ERI1: variants seen among roughly 807,000 people sequenced by gnomAD.
The protein encoded by ERI1 is exoribonuclease 1.
In ERI1, 39 loss-of-function variants were observed where a neutral mutation model predicts 39.7. The observed-to-expected ratio is 0.98, with a 90% confidence interval of 0.76 to 1.28. The LOEUF (loss-of-function observed/expected upper bound fraction) is 1.28. Among genes scored for constraint, ERI1 ranks in the 50% most tolerant of loss-of-function variants. The pLI is 0.00. For missense variants in ERI1, 581 were observed against 416.9 expected, an observed-to-expected ratio of 1.39 and a Z score of -3.43; for synonymous variants, 204 against 149.6, an observed-to-expected ratio of 1.36 and a Z score of -2.65.
chr8:9,016,029 ATAT>A (rs1343356586), intron 3 of ERI1, among the ~76,000 whole-genome samples: 2 of 151,952 alleles, frequency 1.3e-5, no homozygotes, highest in East Asian at 1.9e-4. Flanking sequence ...TAGTTTTAAA[ATAT>A]TATGAACAAA....
chr8:9,093,504 TAAAA>T (rs1040785856), intron 3 of ERI1, among the ~76,000 whole-genome samples: 8 of 124,856 alleles, frequency 6.4e-5, no homozygotes, highest in Admixed American at 8.6e-5. Context: ...ACCTTGTCTC[TAAAA>T]AAAAAAAAAA....
chr8:9,046,194 C>G (rs530290762), intron 3 of ERI1, among the ~76,000 whole-genome samples: 1 of 152,320 alleles, frequency 6.6e-6, no homozygotes, highest in South Asian at 2.1e-4. Flanking sequence ...TGGAATGTGA[C>G]CAGTGAGGTT....
intron 3 of ERI1, among the ~76,000 whole-genome samples, chr8:9,087,156 G>T (rs570527152): frequency 6.6e-6 from 1 of 151,820 alleles, no homozygotes; most frequent in Non-Finnish European, 1.5e-5. Context: ...TAGGTTTTAA[G>T]CCCCACATGC....
At chr8:9,015,115 G>A (rs1293137095) in intron 3 of ERI1, among the ~76,000 whole-genome samples, 2 of 152,166 alleles carry the variant, frequency 1.3e-5, no homozygotes, top group African/African-American at 2.4e-5. Flanking sequence ...GGGATTACAG[G>A]CATTAGTCAC....
chr8:9,080,696 G>A lies in ERI1; in HGVS notation n.300-35652G>A, dbSNP rs948951354. ...GTTCTAGCAGCACAGAGCTCTGAGT[G>A]TGGAATCGTCACCAGTGTGGACCTT... On this transcript the variant is annotated intron_variant and non_coding_transcript_variant, in intron 3 of 3. Transcript: ENST00000518663. 5.9e-5 allele frequency among the ~76,000 whole-genome samples: 9 copies of A among 152,200 alleles called. 1 individual carries two copies. In the South Asian group the frequency reaches 1.9e-3, roughly 32 times the overall value.
intron 3 of ERI1, among the ~76,000 whole-genome samples, chr8:9,095,961 G>C (rs544166999): frequency 1.3e-5 from 2 of 152,292 alleles, no homozygotes; most frequent in South Asian, 4.1e-4. Context: ...GGGTCATCTG[G>C]AATATAGAAA....
chr8:9,087,481 T>G (rs923359182), intron 3 of ERI1, among the ~76,000 whole-genome samples: 2 of 149,378 alleles, frequency 1.3e-5, no homozygotes, highest in African/African-American at 4.9e-5. Context: ...CAGGCTGGTC[T>G]CGAACTCCTG....
At chr8:9,066,538 G>T (rs944215787) in intron 3 of ERI1, among the ~76,000 whole-genome samples, 1 of 152,198 alleles carries the variant, frequency 6.6e-6, no homozygotes, top group African/African-American at 2.4e-5. Flanking sequence ...GGGTTGTTGG[G>T]CACGGTGAAG....
chr8:9,027,151 G>GTGTGTA (rs56703653), intron 6 of ERI1, among the ~76,000 whole-genome samples: 2,469 of 70,806 alleles, frequency 0.035, 66 homozygotes, highest in African/African-American at 0.086. Flanking sequence ...GTGTGTGTAT[G>GTGTGTA]TGTGTGTGTG....
intron 3 of ERI1, among the ~76,000 whole-genome samples, chr8:9,045,733 G>A (rs1798153678): frequency 1.3e-5 from 2 of 149,754 alleles, no homozygotes; most frequent in South Asian, 4.2e-4. Flanking sequence ...CTAGAGGGCA[G>A]TGGCACAATC....
At chr8:9,012,421 T>G (rs1456942387) in intron 3 of ERI1, among the ~76,000 whole-genome samples, 1 of 152,238 alleles carries the variant, frequency 6.6e-6, no homozygotes, top group Non-Finnish European at 1.5e-5. Context: ...ATCTCAACTT[T>G]CCAAAAGTCA....
At chr8:9,028,119 A>AT (rs1019921190) in intron 6 of ERI1, among the ~76,000 whole-genome samples, 15 of 152,210 alleles carry the variant, frequency 9.9e-5, no homozygotes, top group African/African-American at 3.6e-4. Context: ...TTCTTCTTCA[A>AT]TTTTTTTGTA....
At chr8:9,053,073 A>G (rs190276716) in intron 3 of ERI1, among the ~76,000 whole-genome samples, 1 of 152,034 alleles carries the variant, frequency 6.6e-6, no homozygotes, top group South Asian at 2.1e-4. Flanking sequence ...CTGGAGTGCA[A>G]TGGCGCAATC....
chr8:9,024,101 A>T (rs977997298), intron 6 of ERI1, among the ~76,000 whole-genome samples: 1 of 152,168 alleles, frequency 6.6e-6, no homozygotes, highest in South Asian at 2.1e-4. Flanking sequence ...CGCCTGGCCA[A>T]AAATGACCTT....
chr8:9,068,028 C>G (rs1229511588), intron 3 of ERI1, among the ~76,000 whole-genome samples: 1 of 152,088 alleles, frequency 6.6e-6, no homozygotes, highest in Non-Finnish European at 1.5e-5. Flanking sequence ...TCCACTAAAC[C>G]TTGAACAATT....
intron 3 of ERI1, among the ~76,000 whole-genome samples, chr8:9,058,727 T>C (rs907767187): frequency 3.3e-5 from 5 of 152,202 alleles, no homozygotes; most frequent in African/African-American, 4.8e-5. Flanking sequence ...GTCTTTGCTG[T>C]TGTTGTTAGA....
Position 9,011,753 on chromosome 8 carries a change from G to C in ERI1, c.498+1G>C. ...ACTGAATACGCATACTTTAGAAATA[G>C]TAAGTGAATTTTTGTATTTTAATTG... On this transcript the variant is annotated splice_donor_variant, in intron 3 of 6. Coordinates refer to ENST00000250263, the MANE Select transcript of ERI1 (RefSeq NM_153332.4). LOFTEE classifies it high-confidence loss of function. 2.5e-6 allele frequency: 4 copies of C among 1,587,698 alleles called. No homozygotes were observed. Among genetic ancestry groups the C allele is most frequent in the Non-Finnish European group, 3.4e-6 (4 of 1,162,136 alleles).
At chr8:9,097,560 G>T (rs1033647419) in intron 3 of ERI1, among the ~76,000 whole-genome samples, 21 of 151,766 alleles carry the variant, frequency 1.4e-4, no homozygotes, top group African/African-American at 4.8e-4. Context: ...TCCCAGCTAC[G>T]CAGGAGGCTG....
rs539426598 is a variant in ERI1, at chr8:9,031,210, T to C, written c.*1176T>C. ...TGTGATGCTACTTTATTCTAAAGAT[T>C]TATATTTTATAACCAGATGAATTTC... On this transcript the variant is annotated 3_prime_UTR_variant, in exon 7 of 7. Coordinates refer to ENST00000250263, the MANE Select transcript of ERI1 (RefSeq NM_153332.4). The C allele has an allele frequency of 1.3e-5, 2 of 152,222 alleles. No individual in the cohort carries two copies. Among genetic ancestry groups the C allele is most frequent in the Admixed American group, 6.5e-5 (1 of 15,282 alleles). 9.4% of individuals were successfully genotyped at this position (152,222 alleles called of 1,614,324 possible). A position where few individuals can be genotyped will look rare whatever the true frequency, so the allele number is the denominator to read the frequency against.
Sources: allele counts gnomAD v4.1 joint callset (sites outside exome capture counted in the v4.1 genomes callset), GRCh38; gene constraint gnomAD v4.1.1; transcripts MANE v1.5; gene names NCBI Gene and HGNC (gene_info 2026-07-23, HGNC 2026-07-21).